Variants in BLK observed in about 807,000 individuals in gnomAD.
The protein encoded by BLK is BLK proto-oncogene, Src family tyrosine kinase.
In BLK, 64 loss-of-function variants were observed where a neutral mutation model predicts 61.8. That is an observed-to-expected ratio of 1.03 (90% confidence interval 0.85 to 1.27). The LOEUF (loss-of-function observed/expected upper bound fraction) is 1.27. Among genes scored for constraint, BLK ranks in the 50% most tolerant of loss-of-function variants. BLK has a pLI of 0.00. For synonymous variants in BLK, 351 were observed against 272.0 expected (o/e 1.29, Z -2.86); for missense variants, 853 against 660.5 (o/e 1.29, Z -3.19).
At chr8:11,504,660 G>A (rs557271118) in intron 1 of BLK, among the ~76,000 whole-genome samples, 2 of 152,366 alleles carry the variant, frequency 1.3e-5, no homozygotes, top group Non-Finnish European at 2.9e-5. Context: ...TGGAGCATGT[G>A]CTCAAAAACT....
chr8:11,554,489 G>A (rs535135749), intron 6 of BLK, among the ~76,000 whole-genome samples: 2 of 152,280 alleles, frequency 1.3e-5, no homozygotes, highest in South Asian at 2.1e-4. Flanking sequence ...CTGCCGCAGG[G>A]CTCTGTGATT....
At chr8:11,524,600 A>T (rs947742361) in intron 1 of BLK, among the ~76,000 whole-genome samples, 1 of 152,218 alleles carries the variant, frequency 6.6e-6, no homozygotes, top group Non-Finnish European at 1.5e-5. Context: ...TATGCTCTTG[A>T]GCGTGGGAAT....
chr8:11,552,602 C>G (rs1585404296), intron 6 of BLK: 1 of 152,336 alleles, frequency 6.6e-6, no homozygotes, highest in African/African-American at 2.4e-5. Context: ...CAATTATCAA[C>G]TGAGCCAGTC....
chr8:11,507,289 A>G (rs891406615), intron 1 of BLK, among the ~76,000 whole-genome samples: 13 of 152,202 alleles, frequency 8.5e-5, no homozygotes, highest in Non-Finnish European at 1.5e-4. Flanking sequence ...CTAGGATTGT[A>G]AAAGAATAAG....
rs141159222 is a variant in BLK, at chr8:11,529,419, C to T, written c.-1-13805C>T. ...ACAGGGAGTCAAAGCTGTCTTCCTGCGCTGAGTCAATTCCTGGGTGGGAGC... is the reference window on the plus strand; with the variant it reads ...ACAGGGAGTCAAAGCTGTCTTCCTGTGCTGAGTCAATTCCTGGGTGGGAGC... On this transcript the variant is annotated intron_variant, in intron 1 of 12. Coordinates refer to ENST00000259089, the MANE Select transcript of BLK (RefSeq NM_001715.3). Among the ~76,000 whole-genome samples the T allele has an allele frequency of 5.6e-3, 849 of 152,028 alleles. 8 individuals carry two copies. Among genetic ancestry groups the T allele is most frequent in the African/African-American group, 0.017 (716 of 41,476 alleles).
chr8:11,543,231 C>G lies in BLK; in HGVS notation c.7C>G (p.Leu3Val). The G allele has an allele frequency of 6.2e-7, 1 of 1,613,816 alleles. No homozygotes were observed. Among genetic ancestry groups the G allele is most frequent in the Non-Finnish European group, 8.5e-7 (1 of 1,179,994 alleles). The change falls in exon 2 of 13, where the codon CTG becomes GTG. Residue 3 changes from leucine (L) to valine (V), a missense_variant. By Grantham distance (32) the Leu-to-Val change is conservative. Transcript: ENST00000259089. MG[L>V]VSSKKPDKEK... ...GCTGTGTGTCTCCGACAGGATGGGG[C>G]TGGTAAGTAGCAAAAAGCCGGACAA...
At chr8:11,529,483 C>T (rs562701679) in intron 1 of BLK, among the ~76,000 whole-genome samples, 6 of 152,052 alleles carry the variant, frequency 3.9e-5, no homozygotes, top group Admixed American at 3.3e-4. Flanking sequence ...CTGGGTGGTG[C>T]CAGCTGATCC....
Position 11,564,236 on chromosome 8 carries a change from C to T in BLK, c.*128C>T, listed in dbSNP as rs1012018831. ...TTTCTCAGACCCGGAATCCAGTGGGCAGAGGCAGCTTCGCAGGGGGTCCCC... is the reference window on the plus strand; with the variant it reads ...TTTCTCAGACCCGGAATCCAGTGGGTAGAGGCAGCTTCGCAGGGGGTCCCC... On this transcript the variant is annotated 3_prime_UTR_variant, in exon 13 of 13. Transcript: ENST00000259089. 1.3e-5 allele frequency: 15 copies of T among 1,168,862 alleles called. No homozygotes were observed. In the East Asian group the frequency reaches 2.8e-4, roughly 22 times the overall value. 72.4% of individuals were successfully genotyped at this position (1,168,862 alleles called of 1,614,324 possible).
chr8:11,562,965 G>A lies in BLK; in HGVS notation c.1181-14G>A. 6 of 1,613,982 alleles carry A rather than the reference G, an allele frequency of 3.7e-6. No homozygotes were observed. Among genetic ancestry groups the A allele is most frequent in the South Asian group, 1.1e-5 (1 of 91,086 alleles). ...GGCCGTGGCCTCCCAAAGCTTGCAT[G>A]GCTTTTCCCACAGGGGCCAAGTTCC... On this transcript the variant is annotated splice_polypyrimidine_tract_variant and intron_variant, in intron 11 of 12. Coordinates refer to ENST00000259089, the MANE Select transcript of BLK (RefSeq NM_001715.3).
chr8:11,536,526 G>C (rs1183402552), intron 1 of BLK, among the ~76,000 whole-genome samples: 1 of 152,174 alleles, frequency 6.6e-6, no homozygotes, highest in Non-Finnish European at 1.5e-5. Flanking sequence ...AAGTAGCTGG[G>C]ATTACAGGCA....
intron 1 of BLK, among the ~76,000 whole-genome samples, chr8:11,507,339 C>A (rs192060088): frequency 1.6e-3 from 237 of 152,324 alleles, no homozygotes; most frequent in African/African-American, 5.5e-3. Context: ...AACCCTGCCC[C>A]TGGGAGTGGT....
chr8:11,546,874 C>G (rs1800670594), intron 3 of BLK, among the ~76,000 whole-genome samples: 1 of 152,192 alleles, frequency 6.6e-6, no homozygotes, highest in Non-Finnish European at 1.5e-5. Flanking sequence ...CTGTGCGTGG[C>G]CCCTAGACTC....
intron 2 of BLK, 52 bp from the exon 3 acceptor site, chr8:11,546,000 C>G (rs1254137282): frequency 6.3e-7 from 1 of 1,594,616 alleles, no homozygotes; most frequent in South Asian, 1.1e-5. Context: ...CCCCCAGGCC[C>G]CACCCACGCA....
intron 1 of BLK, among the ~76,000 whole-genome samples, chr8:11,539,022 CT>C (rs1800258040): frequency 6.6e-6 from 1 of 152,052 alleles, no homozygotes; most frequent in Non-Finnish European, 1.5e-5. Flanking sequence ...TTAGAAAATA[CT>C]TTGGTGGGAC....
chr8:11,548,215 A>G, intron 4 of BLK, 90 bp downstream of exon 4: 1 of 1,148,504 alleles, frequency 8.7e-7, no homozygotes, highest in East Asian at 2.4e-5. Context: ...TCCATGGCTG[A>G]CCCTGGAAGT....
intron 1 of BLK, among the ~76,000 whole-genome samples, chr8:11,529,557 G>A (rs1721784055): frequency 6.6e-6 from 1 of 152,146 alleles, no homozygotes; most frequent in Non-Finnish European, 1.5e-5. Context: ...GGGGGTGGGA[G>A]ATCAGAATCT....
intron 1 of BLK, among the ~76,000 whole-genome samples, chr8:11,500,682 AT>A (rs1273104165): frequency 6.7e-6 from 1 of 150,362 alleles, no homozygotes; most frequent in Non-Finnish European, 1.5e-5. Flanking sequence ...CGCCTGGCTA[AT>A]TTTGGTTTTT....
At chr8:11,559,509 TCACACACACAAA>T (rs1478773772) in intron 10 of BLK, among the ~76,000 whole-genome samples, 8 of 59,726 alleles carry the variant, frequency 1.3e-4, no homozygotes, top group South Asian at 1.3e-3. Flanking sequence ...ACTCACAAAC[TCACACACACAAA>T]CACACACACA....
intron 1 of BLK, among the ~76,000 whole-genome samples, chr8:11,498,091 C>G (rs1201796771): frequency 2.6e-5 from 4 of 152,340 alleles, no homozygotes; most frequent in South Asian, 4.1e-4. Context: ...GAAGTTTTCT[C>G]ACGTTCCTTC....
Sources: allele counts gnomAD v4.1 joint callset (sites outside exome capture counted in the v4.1 genomes callset), GRCh38; gene constraint gnomAD v4.1.1; transcripts MANE v1.5; gene names NCBI Gene and HGNC (gene_info 2026-07-23, HGNC 2026-07-21).